NUDCD1: variants seen among roughly 807,000 people sequenced by gnomAD.
NUDCD1 encodes the protein nudC domain-containing protein 1.
NUDCD1 carries 60 observed loss-of-function variants against 67.8 expected under a neutral mutation model. The observed-to-expected ratio is 0.88, with a 90% CI of 0.72 to 1.10. NUDCD1 has a LOEUF of 1.10. Ranked by LOEUF, NUDCD1 falls within the 50% of genes least tolerant of loss-of-function variation. NUDCD1 has a pLI of 0.00. For synonymous variants in NUDCD1, 244 were observed against 230.8 expected, an observed-to-expected ratio of 1.06 and a Z score of -0.52; for missense variants, 643 against 695.0, an observed-to-expected ratio of 0.93 and a Z score of 0.84.
At position 109,296,535 on chromosome 8, in the gene NUDCD1, C is replaced by T. The variant is rs765531808; in HGVS notation, c.308G>A (p.Arg103Gln). Residue 103 changes from arginine (R) to glutamine (Q), a missense_variant, in exon 3 of 10, where the codon CGA becomes CAA. Arg to Gln is a conservative substitution (Grantham distance 43). Transcript: ENST00000239690. ...ACATGCTGTCAAATCTGTAGGAAGTCGAAACACCTCTCGTGGTTTTCCTAA... is the reference window on the plus strand; with the variant it reads ...ACATGCTGTCAAATCTGTAGGAAGTTGAAACACCTCTCGTGGTTTTCCTAA... ...TALGKPREVF[R>Q]LPTDLTACDN... 3.7e-6 allele frequency: 6 copies of T among 1,609,180 alleles called. No homozygotes were observed. Among genetic ancestry groups the T allele is most frequent in the Non-Finnish European group, 4.2e-6 (5 of 1,176,674 alleles).
Position 109,296,502 on chromosome 8 carries a change from C to CG in NUDCD1, c.340dup (p.Arg114ProfsTer30). On this transcript the variant is annotated frameshift_variant, in exon 3 of 10. Coordinates refer to ENST00000239690, the MANE Select transcript of NUDCD1 (RefSeq NM_032869.4). LOFTEE classifies it high-confidence loss of function. ...TGAGAAATGGATAGATGCACAAAGA[C>CG]GGTTGTCACATGCTGTCAAATCTGT... is the stretch of plus-strand genomic sequence containing the variant. 1 of 1,613,218 alleles carries CG rather than the reference C, an allele frequency of 6.2e-7. No homozygotes were observed. The highest frequency in any genetic ancestry group is 8.5e-7 in the Non-Finnish European group (1 of 1,179,346).
chr8:109,322,400 A>G lies in NUDCD1; in HGVS notation c.182T>C (p.Met61Thr). ...TGAATCACAGTGCAGGTAATTATAC[A>G]TTCCAAAAGCATGCATGTGTTCCAG... ...YTLEHMHAFG[M>T]YNYLHCDSWY... The change falls in exon 2 of 10, where the codon ATG (methionine) becomes ACG (threonine). Residue 61 changes from methionine (M) to threonine (T), a missense_variant. Met to Thr is a moderately conservative substitution (Grantham distance 81). Transcript: ENST00000239690. The G allele has an allele frequency of 6.2e-7, 1 of 1,605,544 alleles. No homozygotes were observed.
At chr8:109,312,760 C>G (rs1243518380) in intron 2 of NUDCD1, among the ~76,000 whole-genome samples, 1 of 152,182 alleles carries the variant, frequency 6.6e-6, no homozygotes, top group Admixed American at 6.5e-5. Flanking sequence ...ACTAGCTAGC[C>G]TGGCACTAAC....
chr8:109,327,952 T>C (rs890124241), intron 1 of NUDCD1, among the ~76,000 whole-genome samples: 2 of 152,262 alleles, frequency 1.3e-5, no homozygotes, highest in South Asian at 2.1e-4. Context: ...CAATTGTTTC[T>C]AGCTCTATTA....
At chr8:109,247,693 T>C (rs1279124452) in intron 8 of NUDCD1, among the ~76,000 whole-genome samples, 1 of 152,194 alleles carries the variant, frequency 6.6e-6, no homozygotes, top group East Asian at 1.9e-4. Flanking sequence ...TTTTTTTACC[T>C]GATAGATTCC....
At chr8:109,318,079 C>T (rs1815444316) in intron 2 of NUDCD1, among the ~76,000 whole-genome samples, 1 of 152,154 alleles carries the variant, frequency 6.6e-6, no homozygotes, top group South Asian at 2.1e-4. Context: ...GTGTCCTACA[C>T]AGAGCAGGTT....
intron 3 of NUDCD1, among the ~76,000 whole-genome samples, chr8:109,294,751 C>T (rs559055779): frequency 6.6e-6 from 1 of 152,188 alleles, no homozygotes; most frequent in Admixed American, 6.6e-5. Flanking sequence ...AGAGGCAACA[C>T]ATTTGGAAAG....
intron 9 of NUDCD1, among the ~76,000 whole-genome samples, 173 bp downstream of exon 9, chr8:109,245,149 T>G (rs1009073435): frequency 6.6e-6 from 1 of 152,194 alleles, no homozygotes; most frequent in Middle Eastern, 3.2e-3. Flanking sequence ...TTAGTCTAAA[T>G]GTTCCAACAG....
At chr8:109,244,379 G>T (rs552910516) in intron 9 of NUDCD1, among the ~76,000 whole-genome samples, 1 of 152,120 alleles carries the variant, frequency 6.6e-6, no homozygotes, top group Non-Finnish European at 1.5e-5. Context: ...GAACATCTGA[G>T]CATCTAAAGA....
chr8:109,305,005 T>C (rs991281464), intron 2 of NUDCD1, among the ~76,000 whole-genome samples: 1 of 152,214 alleles, frequency 6.6e-6, no homozygotes, highest in Non-Finnish European at 1.5e-5. Flanking sequence ...CCATGTAGGT[T>C]ACAAGCCACT....
intron 7 of NUDCD1, among the ~76,000 whole-genome samples, chr8:109,272,415 T>C (rs950000189): frequency 1.1e-4 from 17 of 151,324 alleles, no homozygotes; most frequent in Non-Finnish European, 3.0e-5. Flanking sequence ...ACAGAAACAT[T>C]GAAATATAGT....
chr8:109,285,006 CAAAA>C (rs35853412), intron 5 of NUDCD1, among the ~76,000 whole-genome samples: 1 of 148,204 alleles, frequency 6.7e-6, no homozygotes, highest in African/African-American at 2.5e-5. Context: ...CACAGAAATA[CAAAA>C]AAAAAACCCA....
intron 6 of NUDCD1, among the ~76,000 whole-genome samples, chr8:109,277,161 G>GA (rs1381127785): frequency 6.6e-6 from 1 of 151,694 alleles, no homozygotes; most frequent in South Asian, 2.1e-4. Flanking sequence ...TTACAAGTAA[G>GA]AAAAAAAAGT....
At chr8:109,281,730 A>C (rs1353987680) in intron 5 of NUDCD1, among the ~76,000 whole-genome samples, 1 of 152,170 alleles carries the variant, frequency 6.6e-6, no homozygotes, top group Non-Finnish European at 1.5e-5. Flanking sequence ...TCCATTTCTA[A>C]GCAGACCTCC....
At chr8:109,263,054 CAAAAAAAA>C (rs59659347) in intron 8 of NUDCD1, among the ~76,000 whole-genome samples, 61 of 42,014 alleles carry the variant, frequency 1.5e-3, no homozygotes, top group African/African-American at 4.3e-3. Context: ...GACTCTGTCT[CAAAAAAAA>C]AAAAAAAAAA....
chr8:109,310,132 T>C (rs376275087), intron 2 of NUDCD1, among the ~76,000 whole-genome samples: 1 of 152,006 alleles, frequency 6.6e-6, no homozygotes, highest in Non-Finnish European at 1.5e-5. Context: ...AAAATTCACA[T>C]GTAACCAAAA....
At chr8:109,314,086 T>A (rs1469376438) in intron 2 of NUDCD1, among the ~76,000 whole-genome samples, 1 of 152,210 alleles carries the variant, frequency 6.6e-6, no homozygotes, top group African/African-American at 2.4e-5. Flanking sequence ...ATATAGCATT[T>A]ACTTATATCT....
chr8:109,289,532 AC>A (rs1291556235), intron 5 of NUDCD1, among the ~76,000 whole-genome samples: 1 of 152,180 alleles, frequency 6.6e-6, no homozygotes, highest in Non-Finnish European at 1.5e-5. Flanking sequence ...TTTTAAAAAA[AC>A]ATTTTTGGTA....
intron 2 of NUDCD1, 140 bp from the exon 3 acceptor site, chr8:109,296,709 A>G (rs1814851898): frequency 6.7e-6 from 4 of 593,350 alleles, no homozygotes; most frequent in Non-Finnish European, 1.2e-5. Context: ...GAGCTGTCCT[A>G]CTGATTCAGT....
Sources: gnomAD v4.1 joint callset for allele counts (sites outside exome capture counted in the v4.1 genomes callset) on GRCh38, gnomAD v4.1.1 for gene constraint, MANE v1.5 for transcripts, NCBI Gene and HGNC (gene_info 2026-07-23, HGNC 2026-07-21) for gene names.